The following ABCA1 variants were observed in gnomAD, a reference collection of about 807,000 sequenced individuals.
The protein encoded by ABCA1 is ATP binding cassette subfamily A member 1.
Under a neutral mutation model 262.5 loss-of-function variants are expected in ABCA1, and 133 were observed. The observed-to-expected ratio is 0.51, with a 90% CI of 0.44 to 0.59. ABCA1 has a LOEUF of 0.59. Among genes scored for constraint, ABCA1 ranks in the 20% least tolerant of loss-of-function variants. The probability of loss-of-function intolerance (pLI) is 0.00; values close to 1 mark genes in which losing one functional copy is unlikely to be tolerated. For synonymous variants in ABCA1, 1,022 were observed against 1,043.5 expected, an observed-to-expected ratio of 0.98 and a Z score of 0.40; for missense variants, 2,452 against 2,777.5, an observed-to-expected ratio of 0.88 and a Z score of 2.63.
intron 7 of ABCA1, chr9:104,855,064 G>T: frequency 2.7e-6 from 2 of 740,212 alleles, no homozygotes; most frequent in Non-Finnish European, 3.3e-6. Context: ...TACGGACTGA[G>T]ACATAAATAA....
chr9:104,814,341 C>G, intron 26 of ABCA1, 86 bp downstream of exon 26: 1 of 1,570,002 alleles, frequency 6.4e-7, no homozygotes, highest in Non-Finnish European at 8.8e-7. Flanking sequence ...TAGAACAATT[C>G]AAAGGGAAAG....
At chr9:104,832,479 T>G (rs1833432666) in intron 12 of ABCA1, 95 bp downstream of exon 12, 78 of 1,352,466 alleles carry the variant, frequency 5.8e-5, no homozygotes, top group Non-Finnish European at 8.2e-5. Context: ...GACTATACAT[T>G]ATTTCTAAAC....
At chr9:104,923,566 C>G (rs1405523041) in intron 1 of ABCA1, among the ~76,000 whole-genome samples, 1 of 152,224 alleles carries the variant, frequency 6.6e-6, no homozygotes, top group Non-Finnish European at 1.5e-5. Context: ...ATGTGGTGAT[C>G]ATCCTTGAAA....
At position 104,784,436 on chromosome 9, in the gene ABCA1, T is replaced by A; in HGVS notation, c.6665A>T (p.Lys2222Met). 1 of 1,614,132 alleles carries A rather than the reference T, an allele frequency of 6.2e-7. No individual in the cohort carries two copies. The highest frequency in any genetic ancestry group is 8.5e-7 in the Non-Finnish European group (1 of 1,179,994). Reference sequence around the variant, plus strand: ...TAAGTGGTCATCATCACTTTGGTCCTTGGCAAAGTTCACAAATACCTGTTA... The same window carrying A: ...TAAGTGGTCATCATCACTTTGGTCCATGGCAAAGTTCACAAATACCTGTTA... ...TLDQVFVNFAKDQSDDDHLKD... is the reference protein window; with the variant it reads ...TLDQVFVNFAMDQSDDDHLKD... Residue 2222 changes from lysine (K) to methionine (M), a missense_variant, in exon 50 of 50, where the codon AAG (lysine) becomes ATG (methionine). Physicochemically the swap from Lys to Met is moderately conservative, Grantham distance 95 (BLOSUM62 -1). Transcript: ENST00000374736.
chr9:104,794,569 C>T, intron 39 of ABCA1, 59 bp from the exon 40 acceptor site: 1 of 1,570,296 alleles, frequency 6.4e-7, no homozygotes, highest in Middle Eastern at 1.7e-4. Flanking sequence ...AAACGGGTGT[C>T]ATTCATGGTT....
chr9:104,887,722 C>CTTTTT lies in ABCA1; in HGVS notation c.160+1375_160+1379dup, dbSNP rs56828334. Among the ~76,000 whole-genome samples the CTTTTT allele has an allele frequency of 1.7e-3, 169 of 98,840 alleles. 1 individual carries two copies. Among genetic ancestry groups the CTTTTT allele is most frequent in the Non-Finnish European group, 2.3e-3 (120 of 51,756 alleles). 64.8% of individuals were successfully genotyped at this position (98,840 alleles called of 152,430 possible). A position where few individuals can be genotyped will look rare whatever the true frequency, so the allele number is the denominator to read the frequency against. On this transcript the variant is annotated intron_variant, in intron 3 of 49. Transcript: ENST00000374736. ...AATTGCATATAAATTTCAGTTTATG[C>CTTTTT]TTTTTTTTTTTTTTTTTTTTTTGAG...
chr9:104,889,379 A>G, intron 2 of ABCA1, 184 bp from the exon 3 acceptor site: 2 of 984,898 alleles, frequency 2.0e-6, no homozygotes, highest in Non-Finnish European at 2.4e-6. Flanking sequence ...ATACCATTCC[A>G]TATACCTCTG....
In ABCA1 at chr9:104,781,604, T is replaced by TC. The variant is rs541897508; in HGVS notation, c.*2710dup. On this transcript the variant is annotated 3_prime_UTR_variant, in exon 50 of 50. Coordinates refer to ENST00000374736, the MANE Select transcript of ABCA1 (RefSeq NM_005502.4). ...TTTAATAGTCACAAAGCATTTGCTT[T>TC]CAGTACAGATAATGAAATACAGTAG... The TC allele has an allele frequency of 2.9e-4, 45 of 152,748 alleles. No individual in the cohort carries two copies. Among genetic ancestry groups the TC allele is most frequent in the African/African-American group, 9.1e-4 (38 of 41,588 alleles). The allele number at this position is 152,748 out of a possible 1,614,324, so 9.5% of individuals were successfully genotyped here.
chr9:104,824,294 T>A (rs1254185834), intron 18 of ABCA1, among the ~76,000 whole-genome samples, 171 bp downstream of exon 18: 1 of 152,204 alleles, frequency 6.6e-6, no homozygotes. Context: ...GTCAACAGCA[T>A]TGGACATAAA....
chr9:104,862,690 G>C (rs1178178215), intron 5 of ABCA1, among the ~76,000 whole-genome samples: 80 of 974 alleles, frequency 0.082, 23 homozygotes, highest in African/African-American at 0.24. Flanking sequence ...GGGCCGGGCC[G>C]GGCCGGGCCG....
chr9:104,825,554 A>G lies in ABCA1; in HGVS notation c.2542+129T>C, dbSNP rs145248363. Reference sequence around the variant, plus strand: ...AGCATCAGCTGCCTGTCCTTGGACTATCTGTTTACTATAGATCTATAGCCC... The same window carrying G: ...AGCATCAGCTGCCTGTCCTTGGACTGTCTGTTTACTATAGATCTATAGCCC... On this transcript the variant is annotated intron_variant, in intron 17 of 49. Transcript: ENST00000374736. 5 of 890,100 alleles carry G rather than the reference A, an allele frequency of 5.6e-6. No individual in the cohort carries two copies. The East Asian group carries it at 1.0e-4, about 18-fold the overall frequency. The allele number at this position is 890,100 out of a possible 1,614,324, so 55.1% of individuals were successfully genotyped here.
At chr9:104,794,652 C>T (rs1466917235) in intron 39 of ABCA1, 142 bp from the exon 40 acceptor site, 2 of 907,224 alleles carry the variant, frequency 2.2e-6, no homozygotes, top group Non-Finnish European at 3.3e-6. Flanking sequence ...ACAAACCAGA[C>T]CTTTTAATTC....
Position 104,832,351 on chromosome 9 carries a change from T to A in ABCA1, c.1509+223A>T, listed in dbSNP as rs559814279. Among the ~76,000 whole-genome samples the A allele has an allele frequency of 8.5e-4, 130 of 152,348 alleles. No individual in the cohort carries two copies. In the South Asian group the frequency reaches 0.011, roughly 13 times the overall value. ...TCTCTTGAGCCTATATAGAATAAGC[T>A]AGAGTTAATTTACTAAAGCTAGAGT... On this transcript the variant is annotated intron_variant, in intron 12 of 49. Coordinates refer to ENST00000374736, the MANE Select transcript of ABCA1 (RefSeq NM_005502.4).
In ABCA1 at chr9:104,781,352, G is replaced by A. The variant is rs1828534946; in HGVS notation, c.*2963C>T. 6.6e-6 allele frequency: 1 copy of A among 152,528 alleles called. No homozygotes were observed. The highest frequency in any genetic ancestry group is 1.5e-5 in the Non-Finnish European group (1 of 68,010). The allele number at this position is 152,528 out of a possible 1,614,324, so 9.4% of individuals were successfully genotyped here. A position where few individuals can be genotyped will look rare whatever the true frequency, so the allele number is the denominator to read the frequency against. ...GAAATAGAAACATTCTAAGGGGGAT[G>A]CAACAATTTTGAAAAGAATTAGAGC... is the stretch of plus-strand genomic sequence containing the variant. On this transcript the variant is annotated 3_prime_UTR_variant, in exon 50 of 50. Coordinates refer to ENST00000374736, the MANE Select transcript of ABCA1 (RefSeq NM_005502.4).
intron 1 of ABCA1, among the ~76,000 whole-genome samples, chr9:104,907,275 T>C (rs1841214218): frequency 6.6e-6 from 1 of 152,186 alleles, no homozygotes; most frequent in African/African-American, 2.4e-5. Context: ...GTCTCAAACT[T>C]AGGTCTCCAC....
At chr9:104,878,804 GA>G in intron 5 of ABCA1, among the ~76,000 whole-genome samples, 1 of 152,202 alleles carries the variant, frequency 6.6e-6, no homozygotes. Context: ...AGGAAATCAT[GA>G]GAGTATTTGA....
Position 104,830,935 on chromosome 9 carries a change from C to T in ABCA1, c.1882G>A (p.Val628Ile), listed in dbSNP as rs990754007. 8.7e-6 allele frequency: 14 copies of T among 1,613,500 alleles called. No homozygotes were observed. The highest frequency in any genetic ancestry group is 1.7e-5 in the Admixed American group (1 of 59,946). Residue 628 changes from valine (V) to isoleucine (I), a missense_variant, in exon 14 of 50, where the codon GTT becomes ATT. Physicochemically the swap from Val to Ile is conservative, Grantham distance 29. Around this residue, in one of 4 missense-constraint regions of ABCA1, gnomAD observed 1,032 missense variants for 1,089.7 expected, o/e 0.95. Coordinates refer to ENST00000374736, the MANE Select transcript of ABCA1 (RefSeq NM_005502.4). ...TTGCAGGTAACTTACATGTCATCAA[C>T]GTAACAGGGATAGGGCATCTGTTGC... Reference protein sequence around the residue: ...YMQQMPYPCYVDDIFLRVMSR... With the variant: ...YMQQMPYPCYIDDIFLRVMSR...
chr9:104,787,232 T>C (rs1446957160), intron 46 of ABCA1, among the ~76,000 whole-genome samples: 1 of 152,140 alleles, frequency 6.6e-6, no homozygotes, highest in Admixed American at 6.5e-5. Context: ...TCCAAATAAA[T>C]AGGGAAGGAA....
At chr9:104,797,217 T>C (rs1481235621) in intron 37 of ABCA1, among the ~76,000 whole-genome samples, 1 of 152,202 alleles carries the variant, frequency 6.6e-6, no homozygotes, top group Admixed American at 6.5e-5. Flanking sequence ...CACCTATGCC[T>C]GGCATAAGTC....
Sources: gnomAD v4.1 joint callset for allele counts (sites outside exome capture counted in the v4.1 genomes callset) on GRCh38, gnomAD v4.1.1 for gene constraint, gnomAD v4.1.1 regional missense constraint, MANE v1.5 for transcripts, NCBI Gene and HGNC (gene_info 2026-07-23, HGNC 2026-07-21) for gene names.